CADM2: variants seen among roughly 807,000 people sequenced by gnomAD.
CADM2 encodes the protein cell adhesion molecule 2.
A neutral mutation model predicts 49.8 loss-of-function variants in CADM2; 12 were observed. The observed-to-expected ratio is 0.24, with a 90% CI of 0.15 to 0.39. The LOEUF (loss-of-function observed/expected upper bound fraction) is 0.39. Ranked by LOEUF, CADM2 falls within the 10% of genes least tolerant of loss-of-function variation. CADM2 has a pLI of 1.00. For synonymous variants in CADM2, 214 were observed against 175.4 expected (o/e 1.22, Z -1.74); for missense variants, 378 against 492.3 (o/e 0.77, Z 2.20).
At chr3:85,314,327 T>G (rs2107066641) in intron 1 of CADM2, among the ~76,000 whole-genome samples, 1 of 152,286 alleles carries the variant, frequency 6.6e-6, no homozygotes, top group African/African-American at 2.4e-5. Context: ...GTTTTTTTCT[T>G]ATTAAAAAAC....
chr3:85,308,234 A>G (rs1209002598), intron 1 of CADM2, among the ~76,000 whole-genome samples: 1 of 151,598 alleles, frequency 6.6e-6, no homozygotes, highest in African/African-American at 2.4e-5. Flanking sequence ...CAATCCTACC[A>G]TAATTTTCCA....
chr3:85,459,560 C>A (rs1278117178), intron 1 of CADM2, among the ~76,000 whole-genome samples: 2 of 152,176 alleles, frequency 1.3e-5, no homozygotes, highest in Non-Finnish European at 2.9e-5. Context: ...TTATTAATAT[C>A]AAATTAGTGT....
chr3:85,003,861 A>G (rs2107225339), intron 1 of CADM2, among the ~76,000 whole-genome samples: 1 of 152,256 alleles, frequency 6.6e-6, no homozygotes, highest in East Asian at 1.9e-4. Context: ...CTTGAAATAG[A>G]TGGTTTAATT....
chr3:85,069,585 A>G (rs1308548832), intron 1 of CADM2, among the ~76,000 whole-genome samples: 2 of 152,136 alleles, frequency 1.3e-5, no homozygotes, highest in African/African-American at 4.8e-5. Flanking sequence ...AATTTTGAGG[A>G]AAGAGTGGGA....
At chr3:85,011,760 C>A (rs1447802821) in intron 1 of CADM2, among the ~76,000 whole-genome samples, 1 of 151,696 alleles carries the variant, frequency 6.6e-6, no homozygotes, top group Non-Finnish European at 1.5e-5. Context: ...TATAGTGGAA[C>A]ATACCTGTGG....
At chr3:85,981,986 A>G (rs1577856458) in intron 8 of CADM2, among the ~76,000 whole-genome samples, 1 of 151,834 alleles carries the variant, frequency 6.6e-6, no homozygotes, top group Middle Eastern at 3.4e-3. Context: ...GTATGCAAGC[A>G]TTCCATTTCT....
intron 1 of CADM2, among the ~76,000 whole-genome samples, chr3:85,285,815 GTATTAAA>G (rs1289963021): frequency 1.3e-5 from 2 of 151,294 alleles, no homozygotes; most frequent in Non-Finnish European, 1.5e-5. Flanking sequence ...AAATATTAAA[GTATTAAA>G]TATTAAATAT....
At chr3:85,122,815 C>T (rs1032825088) in intron 1 of CADM2, among the ~76,000 whole-genome samples, 6 of 152,006 alleles carry the variant, frequency 3.9e-5, no homozygotes, top group African/African-American at 1.4e-4. Context: ...AAAACATTCT[C>T]TTCTTCCATT....
intron 1 of CADM2, among the ~76,000 whole-genome samples, chr3:85,492,457 T>G (rs1433127525): frequency 6.6e-6 from 1 of 151,872 alleles, no homozygotes; most frequent in African/African-American, 2.4e-5. Flanking sequence ...CCCGGCATGA[T>G]AGTGCGTGCC....
At chr3:85,164,134 C>T (rs1262717078) in intron 1 of CADM2, among the ~76,000 whole-genome samples, 4 of 151,854 alleles carry the variant, frequency 2.6e-5, no homozygotes, top group Admixed American at 2.6e-4. Context: ...GAACAAAATT[C>T]ATTTTGCCTT....
chr3:85,314,233 T>C (rs1257984620), intron 1 of CADM2, among the ~76,000 whole-genome samples: 2 of 152,144 alleles, frequency 1.3e-5, no homozygotes, highest in African/African-American at 4.8e-5. Context: ...CTTTACACTA[T>C]CAAAAATATG....
chr3:85,141,674 A>G (rs1410255547), intron 1 of CADM2, among the ~76,000 whole-genome samples: 1 of 152,206 alleles, frequency 6.6e-6, no homozygotes, highest in Admixed American at 6.6e-5. Context: ...TTTTATGAAT[A>G]TAGATAGGAT....
chr3:85,902,246 T>C (rs1053607247), intron 5 of CADM2, among the ~76,000 whole-genome samples: 10 of 152,072 alleles, frequency 6.6e-5, no homozygotes, highest in African/African-American at 2.2e-4. Context: ...ATCTTTCTAA[T>C]GGATGGTCTT....
At chr3:85,681,034 C>T (rs577555304) in intron 1 of CADM2, among the ~76,000 whole-genome samples, 21 of 152,176 alleles carry the variant, frequency 1.4e-4, no homozygotes, top group African/African-American at 3.9e-4. Flanking sequence ...TGAGAAGAAC[C>T]TGAAGTCTTG....
intron 1 of CADM2, among the ~76,000 whole-genome samples, chr3:85,057,603 G>T (rs184297925): frequency 1.1e-4 from 16 of 152,092 alleles, no homozygotes; most frequent in Admixed American, 2.0e-4. Flanking sequence ...TCATTAACAT[G>T]TTTTACAATA....
intron 1 of CADM2, among the ~76,000 whole-genome samples, chr3:85,354,523 C>A (rs188202142): frequency 6.6e-6 from 1 of 150,890 alleles, no homozygotes; most frequent in African/African-American, 2.4e-5. Context: ...AATAAAGTGA[C>A]CTAATGCAGA....
intron 1 of CADM2, among the ~76,000 whole-genome samples, chr3:85,586,183 C>G (rs1348093123): frequency 6.6e-6 from 1 of 152,040 alleles, no homozygotes; most frequent in Non-Finnish European, 1.5e-5. Context: ...CAACAGTCTG[C>G]TACAGCACGG....
intron 7 of CADM2, among the ~76,000 whole-genome samples, chr3:85,956,157 G>A (rs1724025733): frequency 6.6e-6 from 1 of 151,574 alleles, no homozygotes; most frequent in African/African-American, 2.4e-5. Flanking sequence ...TATTTTCACT[G>A]TCCTGTTACT....
chr3:86,029,154 C>T (rs1734261257), intron 8 of CADM2, among the ~76,000 whole-genome samples: 1 of 152,118 alleles, frequency 6.6e-6, no homozygotes, highest in African/African-American at 2.4e-5. Flanking sequence ...CCTTAAATGC[C>T]AGGCTGAGAA....
Sources: gnomAD v4.1 joint callset for allele counts (sites outside exome capture counted in the v4.1 genomes callset) on GRCh38, gnomAD v4.1.1 for gene constraint, MANE v1.5 for transcripts, NCBI Gene and HGNC (gene_info 2026-07-23, HGNC 2026-07-21) for gene names.